Variants in UGT1A3 observed in about 807,000 individuals in gnomAD.
The protein encoded by UGT1A3 is UDP-glucuronosyltransferase 1A3.
Under a neutral mutation model 41.0 loss-of-function variants are expected in UGT1A3, and 31 were observed. The ratio of observed to expected loss-of-function variants is 0.76; its 90% CI spans 0.57 to 1.02. The LOEUF is 1.02. Among genes scored for constraint, UGT1A3 ranks in the 50% least tolerant of loss-of-function variants. The pLI, the probability that UGT1A3 is intolerant of heterozygous loss-of-function variation, is 0.00. For synonymous variants in UGT1A3, 262 were observed against 257.6 expected (o/e 1.02, Z -0.17); for missense variants, 737 against 671.0 (o/e 1.10, Z -1.09).
chr2:233,737,160 G>A (rs1247160772), intron 1 of UGT1A3, among the ~76,000 whole-genome samples: 1 of 152,224 alleles, frequency 6.6e-6, no homozygotes, highest in Non-Finnish European at 1.5e-5. Flanking sequence ...CCTGCCCACA[G>A]AGGTGGAGTC....
chr2:233,760,198 T>C (rs907119126), intron 1 of UGT1A3: 1 of 1,579,636 alleles, frequency 6.3e-7, no homozygotes, highest in Admixed American at 1.7e-5. Context: ...CGTGACACAG[T>C]CAAACATTAA....
At position 233,769,465 on chromosome 2, in the gene UGT1A3, G is replaced by A. The variant is rs34036745; in HGVS notation, c.1307+1026G>A. On this transcript the variant is annotated intron_variant, in intron 4 of 4. Coordinates refer to ENST00000482026, the MANE Select transcript of UGT1A3 (RefSeq NM_019093.4). The surrounding 1 kb of genome is among the most constrained non-coding windows in gnomAD (Gnocchi z 4.4). The stretch of plus-strand genomic sequence containing the variant: ...GGTGCACACGTGTGCATTCATATGC[G>A]TGTGTGTGTGTGTGCGTGTGTTTAT... The A allele has an allele frequency of 1.9e-4, 256 of 1,316,538 alleles. No homozygotes were observed. Among genetic ancestry groups the A allele is most frequent in the Non-Finnish European group, 2.3e-4 (217 of 963,564 alleles). The allele number at this position is 1,316,538 out of a possible 1,614,324, so 81.6% of individuals were successfully genotyped here.
intron 1 of UGT1A3, chr2:233,761,151 G>A (rs748685520): frequency 3.7e-6 from 6 of 1,614,140 alleles, no homozygotes; most frequent in Non-Finnish European, 5.1e-6. Flanking sequence ...CACTATCCCA[G>A]GTGTGTATTG....
intron 1 of UGT1A3, chr2:233,747,605 A>G: frequency 6.4e-7 from 1 of 1,574,152 alleles, no homozygotes; most frequent in Non-Finnish European, 8.7e-7. Context: ...GTGTGGAGCT[A>G]CTGCATAATG....
intron 1 of UGT1A3, among the ~76,000 whole-genome samples, chr2:233,757,413 A>T (rs1189718931): frequency 6.6e-6 from 1 of 151,560 alleles, no homozygotes; most frequent in Non-Finnish European, 1.5e-5. Context: ...AGGGTCTAGA[A>T]CGAAAAGAGA....
At chr2:233,763,692 T>G (rs28900398) in intron 1 of UGT1A3, among the ~76,000 whole-genome samples, 3,195 of 152,308 alleles carry the variant, frequency 0.021, 100 homozygotes, top group African/African-American at 0.073. Context: ...GATAAAACTT[T>G]TATTGCACAA....
intron 1 of UGT1A3, chr2:233,748,092 G>A (rs1693863465): frequency 6.2e-7 from 1 of 1,612,734 alleles, no homozygotes; most frequent in Non-Finnish European, 8.5e-7. Flanking sequence ...CGGTGTTCGT[G>A]CCTTCATCCA....
intron 2 of UGT1A3, 67 bp from the exon 3 acceptor site, chr2:233,767,782 A>T: frequency 3.1e-6 from 5 of 1,613,494 alleles, no homozygotes; most frequent in Non-Finnish European, 4.2e-6. Context: ...TCTAGTTAGT[A>T]TAGCAGATTT....
At chr2:233,743,643 T>G in intron 1 of UGT1A3, 3 of 1,367,286 alleles carry the variant, frequency 2.2e-6, no homozygotes, top group Non-Finnish European at 2.9e-6. Context: ...TCGCGGAAGC[T>G]GAAGACGTAC....
Position 233,729,570 on chromosome 2 carries a change from G to T in UGT1A3, c.444G>T (p.Val148=), listed in dbSNP as rs1300116271. Residue 148 remains valine, a synonymous_variant, in exon 1 of 5, where the codon GTG becomes GTT. Transcript: ENST00000482026. ...IRHLNATSFD[V]VLTDPVNLCA... ...ACCTGAATGCTACTTCCTTTGATGT[G>T]GTTTTAACAGACCCCGTTAACCTCT... The T allele has an allele frequency of 6.2e-7, 1 of 1,613,988 alleles. No individual in the cohort carries two copies. Among genetic ancestry groups the T allele is most frequent in the Non-Finnish European group, 8.5e-7 (1 of 1,180,026 alleles).
At chr2:233,745,089 C>G (rs542765504) in intron 1 of UGT1A3, among the ~76,000 whole-genome samples, 1 of 151,738 alleles carries the variant, frequency 6.6e-6, no homozygotes, top group Admixed American at 6.5e-5. Flanking sequence ...ATTGCTCTTC[C>G]CCCCAAATAT....
At chr2:233,737,546 G>C (rs1575619302) in intron 1 of UGT1A3, among the ~76,000 whole-genome samples, 1 of 152,122 alleles carries the variant, frequency 6.6e-6, no homozygotes, top group Non-Finnish European at 1.5e-5. Flanking sequence ...GCTTCGGCTT[G>C]CCCTCAGTGG....
rs761772546 is a variant in UGT1A3 at position 233,729,265 on chromosome 2, G to A, written c.139G>A (p.Val47Ile). The A allele has an allele frequency of 1.9e-6, 3 of 1,614,128 alleles. No homozygotes were observed. Among genetic ancestry groups the A allele is most frequent in the East Asian group, 2.2e-5 (1 of 44,892 alleles). The stretch of plus-strand genomic sequence containing the variant: ...CAGCCACTGGCTCAGCATGCGGGAG[G>A]TCTTGCGGGAGCTCCATGCCAGAGG... ...DGSHWLSMRE[V>I]LRELHARGHQ... Residue 47 changes from valine to isoleucine, a missense_variant, in exon 1 of 5, where the codon GTC becomes ATC. Coordinates refer to ENST00000482026, the MANE Select transcript of UGT1A3 (RefSeq NM_019093.4).
chr2:233,765,207 A>G (rs1013371126), intron 1 of UGT1A3, among the ~76,000 whole-genome samples: 18 of 152,214 alleles, frequency 1.2e-4, no homozygotes, highest in Non-Finnish European at 1.5e-5. Context: ...TAGTGCCCTC[A>G]GTATTCTTTG....
At chr2:233,736,641 C>G (rs1209687241) in intron 1 of UGT1A3, among the ~76,000 whole-genome samples, 1 of 152,216 alleles carries the variant, frequency 6.6e-6, no homozygotes, top group Non-Finnish European at 1.5e-5. Context: ...AGTTTCCCCC[C>G]ATCTTTGTGG....
chr2:233,754,764 C>T (rs570859528), intron 1 of UGT1A3: 2 of 981,308 alleles, frequency 2.0e-6, no homozygotes, highest in East Asian at 6.0e-5. Flanking sequence ...AAGGCCCCCA[C>T]TTCCCAGGGA....
intron 1 of UGT1A3, chr2:233,753,714 C>T (rs1422893106): frequency 1.3e-5 from 2 of 152,222 alleles, no homozygotes; most frequent in Non-Finnish European, 2.9e-5. Flanking sequence ...TTTCATCAAC[C>T]TAATTTGATA....
At chr2:233,760,857 C>G in intron 1 of UGT1A3, 1 of 1,614,098 alleles carries the variant, frequency 6.2e-7, no homozygotes, top group Non-Finnish European at 8.5e-7. Flanking sequence ...CCAACCCATT[C>G]TCCTACGTGC....
At chr2:233,747,724 T>G in intron 1 of UGT1A3, 1 of 1,613,440 alleles carries the variant, frequency 6.2e-7, no homozygotes, top group Admixed American at 1.7e-5. Flanking sequence ...CCTGCTGTGT[T>G]TTTTTTGAGG....
Sources: gnomAD v4.1 joint callset for allele counts (sites outside exome capture counted in the v4.1 genomes callset) on GRCh38, gnomAD v4.1.1 for gene constraint, Gnocchi (gnomAD v3.1) non-coding constraint, MANE v1.5 for transcripts, NCBI Gene and HGNC (gene_info 2026-07-23, HGNC 2026-07-21) for gene names.